The following FAM135A variants were observed in gnomAD, a reference collection of about 807,000 sequenced individuals.
The protein encoded by FAM135A is family with sequence similarity 135 member A, also known as protein FAM135A.
Under a neutral mutation model 146.8 loss-of-function variants are expected in FAM135A, and 79 were observed. The ratio of observed to expected loss-of-function variants is 0.54; its 90% CI spans 0.45 to 0.65. FAM135A has a LOEUF of 0.65. Among genes scored for constraint, FAM135A ranks in the 30% least tolerant of loss-of-function variants. The pLI, the probability that FAM135A is intolerant of heterozygous loss-of-function variation, is 0.00. For synonymous variants in FAM135A, 562 were observed against 603.6 expected (o/e 0.93, Z 1.01); for missense variants, 1,623 against 1,758.2 (o/e 0.92, Z 1.38).
chr6:70,467,774 A>G (rs1562473459), intron 5 of FAM135A, among the ~76,000 whole-genome samples: 1 of 151,818 alleles, frequency 6.6e-6, no homozygotes. Flanking sequence ...TTAAAATCCA[A>G]GTGCTCTTTT....
intron 11 of FAM135A, among the ~76,000 whole-genome samples, chr6:70,498,701 ACTT>A (rs1257315707): frequency 6.6e-6 from 1 of 152,192 alleles, no homozygotes; most frequent in Non-Finnish European, 1.5e-5. Context: ...GTTTCAAAGA[ACTT>A]CTTTATTTCT....
intron 2 of FAM135A, among the ~76,000 whole-genome samples, chr6:70,418,179 T>C (rs1767960067): frequency 6.6e-6 from 1 of 152,168 alleles, no homozygotes; most frequent in Non-Finnish European, 1.5e-5. Flanking sequence ...AGCTCACCTT[T>C]GCTGTGAATC....
Position 70,526,703 on chromosome 6 carries a change from G to A in FAM135A, c.3614+5G>A. 1 of 1,560,044 alleles carries A rather than the reference G, an allele frequency of 6.4e-7. No homozygotes were observed. Among genetic ancestry groups the A allele is most frequent in the Non-Finnish European group, 8.7e-7 (1 of 1,154,328 alleles). ...ACCAAAACCTCAAATACAAGCGTAA[G>A]TAATGGAACGTAATAGTACCTGCTG... On this transcript the variant is annotated splice_donor_5th_base_variant and intron_variant, in intron 15 of 21. Coordinates refer to ENST00000418814, the MANE Select transcript of FAM135A (RefSeq NM_001162529.3).
intron 11 of FAM135A, among the ~76,000 whole-genome samples, chr6:70,494,202 C>T (rs1349633270): frequency 1.3e-5 from 2 of 151,798 alleles, no homozygotes; most frequent in Non-Finnish European, 2.9e-5. Context: ...AAACTTGAAG[C>T]CGGTACACTA....
chr6:70,448,726 C>A (rs1197162586), intron 4 of FAM135A, among the ~76,000 whole-genome samples: 1 of 152,176 alleles, frequency 6.6e-6, no homozygotes, highest in Non-Finnish European at 1.5e-5. Flanking sequence ...AGCATTGTTT[C>A]TATGGATATT....
intron 5 of FAM135A, among the ~76,000 whole-genome samples, chr6:70,472,601 G>A (rs1199535036): frequency 6.6e-6 from 1 of 152,136 alleles, no homozygotes; most frequent in African/African-American, 2.4e-5. Context: ...AGGTTTTGCT[G>A]GTTGTTCCAG....
chr6:70,435,525 T>C (rs1428948644), intron 4 of FAM135A, among the ~76,000 whole-genome samples: 2 of 152,004 alleles, frequency 1.3e-5, no homozygotes, highest in Non-Finnish European at 2.9e-5. Flanking sequence ...TTGTTTGTTT[T>C]TTGTTTTTTT....
chr6:70,463,626 A>G (rs1779847107), intron 5 of FAM135A, among the ~76,000 whole-genome samples: 1 of 152,132 alleles, frequency 6.6e-6, no homozygotes, highest in Admixed American at 6.5e-5. Context: ...ATGGGATTCT[A>G]CTAAAACAAA....
chr6:70,443,711 T>A (rs1031824070), intron 4 of FAM135A, among the ~76,000 whole-genome samples: 2 of 152,254 alleles, frequency 1.3e-5, no homozygotes, highest in Non-Finnish European at 2.9e-5. Context: ...TTTAGAGTCA[T>A]TTGCATTTCT....
At chr6:70,482,207 C>T in intron 10 of FAM135A, 53 bp downstream of exon 10, 2 of 1,544,010 alleles carry the variant, frequency 1.3e-6, no homozygotes. Flanking sequence ...TCTCTTCAGT[C>T]TTATATTGCT....
At chr6:70,429,679 T>C (rs1467096623) in intron 4 of FAM135A, among the ~76,000 whole-genome samples, 2 of 152,192 alleles carry the variant, frequency 1.3e-5, no homozygotes, top group African/African-American at 4.8e-5. Flanking sequence ...TAACCATCAA[T>C]AGTTTCTAAG....
intron 16 of FAM135A, among the ~76,000 whole-genome samples, chr6:70,531,083 G>A (rs1306261908): frequency 1.3e-5 from 2 of 152,200 alleles, no homozygotes; most frequent in Non-Finnish European, 2.9e-5. Context: ...TGAGAATAAT[G>A]AGTAGGAATA....
chr6:70,444,583 G>T, intron 4 of FAM135A, among the ~76,000 whole-genome samples: 1 of 151,510 alleles, frequency 6.6e-6, no homozygotes, highest in East Asian at 1.9e-4. Context: ...AAGAATAAAA[G>T]AAAAAAATTT....
chr6:70,538,944 T>TA (rs1797339083), intron 20 of FAM135A, among the ~76,000 whole-genome samples: 1 of 135,532 alleles, frequency 7.4e-6, no homozygotes, highest in Non-Finnish European at 1.7e-5. Context: ...GGATAAATCT[T>TA]ATTACTTATT....
intron 21 of FAM135A, 85 bp downstream of exon 21, chr6:70,556,948 C>A: frequency 1.1e-6 from 1 of 908,488 alleles, no homozygotes; most frequent in Non-Finnish European, 1.8e-6. Flanking sequence ...TCTCTCGTAT[C>A]TGTCACCCTT....
chr6:70,413,784 A>G, intron 1 of FAM135A, 82 bp downstream of exon 1: 1 of 984,614 alleles, frequency 1.0e-6, no homozygotes. Context: ...CCCAGGGGCC[A>G]GGAAGGAAGC....
chr6:70,455,699 G>T (rs180705749), intron 5 of FAM135A, among the ~76,000 whole-genome samples: 1 of 152,194 alleles, frequency 6.6e-6, no homozygotes, highest in Non-Finnish European at 1.5e-5. Flanking sequence ...AAAATCCTCA[G>T]ATTTTAGTTG....
chr6:70,445,537 A>G lies in FAM135A; in HGVS notation c.78-6955A>G, dbSNP rs146374296. ...CAAGCCAGTCATTAGCATTGTTTCTATAAATACTAGATTAACTAAAAGTAT... is the reference window on the plus strand; with the variant it reads ...CAAGCCAGTCATTAGCATTGTTTCTGTAAATACTAGATTAACTAAAAGTAT... On this transcript the variant is annotated intron_variant, in intron 4 of 21. Transcript: ENST00000418814. Among the ~76,000 whole-genome samples, 350 of 152,334 alleles carry G rather than the reference A, an allele frequency of 2.3e-3. 3 individuals carry two copies. In the South Asian group the frequency reaches 0.027, roughly 12 times the overall value.
chr6:70,482,857 T>C (rs1783981316), intron 10 of FAM135A, among the ~76,000 whole-genome samples: 1 of 152,136 alleles, frequency 6.6e-6, no homozygotes, highest in Non-Finnish European at 1.5e-5. Flanking sequence ...TCAGTTTTAT[T>C]AGCTTTTATT....
Sources: gnomAD v4.1 joint callset for allele counts (sites outside exome capture counted in the v4.1 genomes callset) on GRCh38, gnomAD v4.1.1 for gene constraint, MANE v1.5 for transcripts, NCBI Gene and HGNC (gene_info 2026-07-23, HGNC 2026-07-21) for gene names.